CELF2: variants seen among roughly 807,000 people sequenced by gnomAD.
The protein encoded by CELF2 is CUGBP Elav-like family member 2.
In CELF2, 8 loss-of-function variants were observed where a neutral mutation model predicts 62.6. That is an observed-to-expected ratio of 0.13 (90% confidence interval 0.07 to 0.23). The LOEUF is 0.23. CELF2 is among the 10% of genes least tolerant of loss of function. CELF2 has a pLI of 1.00. For missense variants in CELF2, 333 were observed against 671.0 expected (o/e 0.50, Z 5.56); for synonymous variants, 258 against 250.0 (o/e 1.03, Z -0.30).
intron 2 of CELF2, among the ~76,000 whole-genome samples, chr10:11,209,601 T>G (rs1186657988): frequency 1.3e-5 from 2 of 151,892 alleles, no homozygotes; most frequent in Non-Finnish European, 2.9e-5. Flanking sequence ...ATGCTAAGTT[T>G]TCTTGAAAAT....
chr10:10,827,632 C>A (rs2057503220), intron 1 of CELF2, among the ~76,000 whole-genome samples: 1 of 152,156 alleles, frequency 6.6e-6, no homozygotes, highest in South Asian at 2.1e-4. Context: ...TAACGTGTCA[C>A]AGGGGAGCTG....
intron 1 of CELF2, among the ~76,000 whole-genome samples, chr10:10,823,660 C>T (rs771173584): frequency 3.9e-5 from 6 of 152,044 alleles, no homozygotes; most frequent in Admixed American, 1.3e-4. Context: ...AAAATACTAA[C>T]CTAAATGCGG....
the CELF2 span, among the ~76,000 whole-genome samples, chr10:10,490,855 A>G: frequency 6.6e-6 from 1 of 152,160 alleles, no homozygotes; most frequent in Non-Finnish European, 1.5e-5. Flanking sequence ...ACTTGGGATT[A>G]AAGACAAGCT....
the CELF2 span, among the ~76,000 whole-genome samples, chr10:10,679,359 G>A: frequency 3.9e-5 from 6 of 152,114 alleles, no homozygotes; most frequent in South Asian, 4.2e-4. Flanking sequence ...ATGTGATCTC[G>A]GCTCACTGCA....
chr10:10,828,000 T>TAAAAAA (rs66721705), intron 1 of CELF2, among the ~76,000 whole-genome samples: 114 of 60,648 alleles, frequency 1.9e-3, no homozygotes, highest in Non-Finnish European at 2.7e-3. Context: ...AGGCTAGTCT[T>TAAAAAA]AAAAAAAAAA....
Position 11,300,854 on chromosome 10 carries a change from A to G in CELF2, c.976+12302A>G, listed in dbSNP as rs1304739595. Among the ~76,000 whole-genome samples, 1 of 151,582 alleles carries G rather than the reference A, an allele frequency of 6.6e-6. No homozygotes were observed. The highest frequency in any genetic ancestry group is 1.5e-5 in the Non-Finnish European group (1 of 68,026). The stretch of plus-strand genomic sequence containing the variant: ...CGTGTTTACAATGATTTTATTTCCT[A>G]AACCACAAAGCCACTGTGTTTTCAC... On this transcript the variant is annotated intron_variant, in intron 9 of 12. Coordinates refer to ENST00000633077, the MANE Select transcript of CELF2 (RefSeq NM_001326342.2). This position sits in a 1 kb window ranked among gnomAD's most constrained non-coding sequence, Gnocchi z 5.5.
At chr10:11,186,352 A>G (rs890003711) in intron 2 of CELF2, among the ~76,000 whole-genome samples, 3 of 87,918 alleles carry the variant, frequency 3.4e-5, no homozygotes, top group African/African-American at 1.3e-4. Context: ...TATTGCTTCC[A>G]TTCTTTTGCT....
the CELF2 span, among the ~76,000 whole-genome samples, chr10:10,558,425 G>C: frequency 2.6e-5 from 4 of 152,192 alleles, no homozygotes; most frequent in Non-Finnish European, 5.9e-5. Context: ...TGTGCTGCTG[G>C]ATTCGTTTTG....
At chr10:10,942,112 GA>G (rs900204610) in intron 2 of CELF2, among the ~76,000 whole-genome samples, 59 of 149,656 alleles carry the variant, frequency 3.9e-4, no homozygotes, top group Admixed American at 1.6e-3. Flanking sequence ...TGGGCCTCAG[GA>G]AAAAAAAAAT....
intron 2 of CELF2, among the ~76,000 whole-genome samples, chr10:10,980,949 A>T (rs1483678143): frequency 6.6e-6 from 1 of 152,066 alleles, no homozygotes; most frequent in Non-Finnish European, 1.5e-5. Flanking sequence ...AGCGCTACTC[A>T]TTACCTGGCA....
At chr10:11,078,272 A>G (rs563889960) in intron 1 of CELF2, among the ~76,000 whole-genome samples, 1 of 152,192 alleles carries the variant, frequency 6.6e-6, no homozygotes, top group East Asian at 1.9e-4. Flanking sequence ...AATGTATGCA[A>G]TGGGAAATCG....
intron 1 of CELF2, among the ~76,000 whole-genome samples, chr10:10,896,979 A>G (rs1170963290): frequency 6.6e-6 from 1 of 152,186 alleles, no homozygotes; most frequent in Non-Finnish European, 1.5e-5. Context: ...ATGGGGTGCT[A>G]TTGTGCAAAT....
the CELF2 span, among the ~76,000 whole-genome samples, chr10:10,740,403 A>G: frequency 6.6e-6 from 1 of 152,180 alleles, no homozygotes; most frequent in African/African-American, 2.4e-5. Context: ...AAGAAAAGAG[A>G]TAGCAAGTGT....
the CELF2 span, among the ~76,000 whole-genome samples, chr10:10,524,350 A>G: frequency 6.6e-6 from 1 of 151,212 alleles, no homozygotes; most frequent in South Asian, 2.1e-4. Flanking sequence ...ATTTGTGTAG[A>G]TACATTTTGC....
intron 1 of CELF2, among the ~76,000 whole-genome samples, chr10:11,134,625 C>A (rs1034958543): frequency 2.0e-5 from 3 of 152,208 alleles, no homozygotes; most frequent in Non-Finnish European, 4.4e-5. Flanking sequence ...TTACCGCTGT[C>A]TCCAGCACCT....
intron 1 of CELF2, among the ~76,000 whole-genome samples, chr10:11,061,080 A>G (rs2140451542): frequency 6.6e-6 from 1 of 152,372 alleles, no homozygotes; most frequent in African/African-American, 2.4e-5. Context: ...TGAGAAAGGC[A>G]CGTCAAAAGC....
chr10:11,189,224 T>C (rs989280237), intron 2 of CELF2, among the ~76,000 whole-genome samples: 2 of 152,170 alleles, frequency 1.3e-5, no homozygotes, highest in African/African-American at 4.8e-5. Flanking sequence ...TCTTCACTCA[T>C]GTGCATTGAT....
intron 2 of CELF2, among the ~76,000 whole-genome samples, chr10:10,967,335 A>ATAGGTC (rs1185369828): frequency 6.6e-6 from 1 of 152,192 alleles, no homozygotes; most frequent in African/African-American, 2.4e-5. Flanking sequence ...ATATAGGAGA[A>ATAGGTC]ACTTTTAGGC....
chr10:11,277,169 T>A (rs2086450291), intron 8 of CELF2, among the ~76,000 whole-genome samples: 1 of 152,204 alleles, frequency 6.6e-6, no homozygotes, highest in Non-Finnish European at 1.5e-5. Flanking sequence ...CCTACGTATT[T>A]GAAGTATTAT....
Sources: allele counts gnomAD v4.1 joint callset (sites outside exome capture counted in the v4.1 genomes callset), GRCh38; gene constraint gnomAD v4.1.1; non-coding constraint Gnocchi (gnomAD v3.1); transcripts MANE v1.5; gene names NCBI Gene and HGNC (gene_info 2026-07-23, HGNC 2026-07-21).